The following TIPIN variants were observed in gnomAD, a reference collection of about 807,000 sequenced individuals.
TIPIN encodes TIMELESS-interacting protein.
Under a neutral mutation model 35.6 loss-of-function variants are expected in TIPIN, and 29 were observed. The observed-to-expected ratio is 0.82, with a 90% CI of 0.61 to 1.11. TIPIN has a LOEUF of 1.11. Among genes scored for constraint, TIPIN ranks in the 50% most tolerant of loss-of-function variants. TIPIN has a pLI of 0.00. For synonymous variants in TIPIN, 102 were observed against 121.5 expected (o/e 0.84, Z 1.06); for missense variants, 296 against 345.4 (o/e 0.86, Z 1.13).
At chr15:66,345,811 T>G (rs1343685768) in intron 6 of TIPIN, among the ~76,000 whole-genome samples, 1 of 152,182 alleles carries the variant, frequency 6.6e-6, no homozygotes, top group Non-Finnish European at 1.5e-5. Flanking sequence ...TGGCACCTGA[T>G]CAAAAAAATT....
chr15:66,360,560 T>A (rs6494568), upstream of TIPIN, among the ~76,000 whole-genome samples: 130,015 of 152,192 alleles, frequency 0.85, 56,580 homozygotes, highest in East Asian at 1. Flanking sequence ...CCGGATGCAG[T>A]GGCTCCCGTC....
At chr15:66,342,386 G>A (rs1450599810) in intron 6 of TIPIN, among the ~76,000 whole-genome samples, 2 of 151,846 alleles carry the variant, frequency 1.3e-5, no homozygotes, top group Non-Finnish European at 2.9e-5. Context: ...TTTTTGAGAC[G>A]GAGTTTCACT....
intron 1 of TIPIN, among the ~76,000 whole-genome samples, chr15:66,355,050 GAGA>G (rs1479605705): frequency 1.1e-3 from 32 of 29,828 alleles, no homozygotes; most frequent in African/African-American, 1.7e-3. Context: ...TTTTTTTTTT[GAGA>G]AGGAGTCTCG....
chr15:66,352,283 T>C, intron 2 of TIPIN, 76 bp from the exon 3 acceptor site: 4 of 1,192,476 alleles, frequency 3.4e-6, no homozygotes, highest in Non-Finnish European at 4.7e-6. Flanking sequence ...ATTTCCAAGC[T>C]GATAAGATAA....
intron 1 of TIPIN, among the ~76,000 whole-genome samples, chr15:66,375,911 G>C (rs983243677): frequency 6.6e-6 from 1 of 151,466 alleles, no homozygotes; most frequent in African/African-American, 2.4e-5. Flanking sequence ...GATCAACCTA[G>C]GCAACATACG....
At chr15:66,346,421 C>A (rs976323808) in intron 6 of TIPIN, among the ~76,000 whole-genome samples, 14 of 151,982 alleles carry the variant, frequency 9.2e-5, no homozygotes, top group Non-Finnish European at 1.5e-4. Context: ...CTTCCTCTCA[C>A]CCCCAAATCA....
chr15:66,368,453 T>G (rs994946599), intron 1 of TIPIN, among the ~76,000 whole-genome samples: 1 of 151,982 alleles, frequency 6.6e-6, no homozygotes, highest in Non-Finnish European at 1.5e-5. Flanking sequence ...GACTTGAGCC[T>G]GGGAGTTACA....
At chr15:66,342,015 C>T (rs980938643) in intron 6 of TIPIN, among the ~76,000 whole-genome samples, 28 of 151,992 alleles carry the variant, frequency 1.8e-4, no homozygotes, top group Non-Finnish European at 2.9e-5. Context: ...GAAACCCCAT[C>T]TCTACTAAAA....
chr15:66,370,252 T>C (rs1471270980), intron 1 of TIPIN, among the ~76,000 whole-genome samples: 2 of 152,060 alleles, frequency 1.3e-5, no homozygotes, highest in Non-Finnish European at 2.9e-5. Flanking sequence ...CTACCCTGAC[T>C]CCCACCAAAA....
chr15:66,383,607 T>C, intron 1 of TIPIN: 2 of 984,066 alleles, frequency 2.0e-6, no homozygotes, highest in Middle Eastern at 5.2e-4. Context: ...ACTCTGATAC[T>C]AAAAATTATG....
intron 3 of TIPIN, among the ~76,000 whole-genome samples, chr15:66,351,813 G>A (rs767845512): frequency 4.2e-4 from 63 of 151,630 alleles, no homozygotes; most frequent in Non-Finnish European, 7.2e-4. Context: ...CTAATTTTTT[G>A]TATTTTTAGT....
intron 1 of TIPIN, among the ~76,000 whole-genome samples, chr15:66,374,258 G>C (rs1312692113): frequency 6.6e-6 from 1 of 151,570 alleles, no homozygotes; most frequent in East Asian, 1.9e-4. Context: ...TCATTTTTAA[G>C]TTTACAATTC....
chr15:66,367,785 T>G (rs1277171947), intron 1 of TIPIN, among the ~76,000 whole-genome samples: 1 of 151,954 alleles, frequency 6.6e-6, no homozygotes, highest in East Asian at 1.9e-4. Context: ...GCTATTTTGT[T>G]ATTATGAGTA....
intron 1 of TIPIN, chr15:66,383,616 T>C: frequency 7.1e-6 from 7 of 982,182 alleles, no homozygotes; most frequent in Non-Finnish European, 8.5e-6. Context: ...CTAAAAATTA[T>C]GCATGTTTAA....
intron 1 of TIPIN, among the ~76,000 whole-genome samples, chr15:66,376,261 G>A (rs1203413759): frequency 6.6e-6 from 1 of 152,046 alleles, no homozygotes; most frequent in Non-Finnish European, 1.5e-5. Flanking sequence ...TGACCGTACT[G>A]TATAGTACTT....
At chr15:66,371,301 T>TA (rs1335049052) in intron 1 of TIPIN, 94 of 984,690 alleles carry the variant, frequency 9.5e-5, no homozygotes, top group Non-Finnish European at 1.1e-4. Context: ...GTAGTATTTG[T>TA]TATATAATTT....
At chr15:66,356,919 C>CT (rs546713670), upstream of TIPIN, among the ~76,000 whole-genome samples, 150 of 146,692 alleles carry the variant, frequency 1.0e-3, no homozygotes, top group Middle Eastern at 3.5e-3. Flanking sequence ...TGGGGTTTTT[C>CT]TTTTTTTTTT....
intron 1 of TIPIN, among the ~76,000 whole-genome samples, chr15:66,378,281 G>A (rs1388423166): frequency 6.6e-6 from 1 of 152,020 alleles, no homozygotes; most frequent in African/African-American, 2.4e-5. Context: ...GATTATAGGC[G>A]TGAGCCACCG....
At chr15:66,384,129 T>C (rs909847633) in intron 1 of TIPIN, among the ~76,000 whole-genome samples, 1 of 151,312 alleles carries the variant, frequency 6.6e-6, no homozygotes, top group Non-Finnish European at 1.5e-5. Context: ...CCTGAGTAGC[T>C]GGGACTACAG....
Sources: allele counts gnomAD v4.1 joint callset (sites outside exome capture counted in the v4.1 genomes callset), GRCh38; gene constraint gnomAD v4.1.1; transcripts MANE v1.5; gene names NCBI Gene and HGNC (gene_info 2026-07-23, HGNC 2026-07-21).